CTNNA2: variants seen among roughly 807,000 people sequenced by gnomAD.
CTNNA2 encodes the protein catenin alpha 2.
In CTNNA2, 42 loss-of-function variants were observed where a neutral mutation model predicts 101.0. That is an observed-to-expected ratio of 0.42 (90% confidence interval 0.32 to 0.54). The LOEUF is 0.54. CTNNA2 is among the 20% of genes least tolerant of loss of function. The pLI, the probability that CTNNA2 is intolerant of heterozygous loss-of-function variation, is 0.14. For missense variants in CTNNA2, 871 were observed against 1,223.1 expected (o/e 0.71, Z 4.29); for synonymous variants, 450 against 456.4 (o/e 0.99, Z 0.18).
rs59797728 is a variant in CTNNA2 at position 79,521,107 on chromosome 2, GATATATATATAT to G, written c.-6+7950_-6+7961del. 5.1e-3 allele frequency among the ~76,000 whole-genome samples: 533 copies of G among 104,810 alleles called. 3 individuals carry two copies. Among genetic ancestry groups the G allele is most frequent in the Admixed American group, 9.0e-3 (77 of 8,536 alleles). The allele number at this position is 104,810 out of a possible 152,430, so 68.8% of individuals were successfully genotyped here. ...CTTTGAGATAGAAAACAAAGCTGCT[GATATATATATAT>G]ATATATATATATATATATATATATA... On this transcript the variant is annotated intron_variant, in intron 1 of 18. Transcript: ENST00000402739.
chr2:79,593,166 A>G (rs1220188062), intron 1 of CTNNA2, among the ~76,000 whole-genome samples: 1 of 152,056 alleles, frequency 6.6e-6, no homozygotes, highest in Non-Finnish European at 1.5e-5. Context: ...TCTCAAATTC[A>G]TTTTCTTCCT....
intron 7 of CTNNA2, among the ~76,000 whole-genome samples, chr2:79,995,320 G>T (rs1692467018): frequency 6.6e-6 from 1 of 152,200 alleles, no homozygotes; most frequent in Non-Finnish European, 1.5e-5. Context: ...TGGAAGGGAT[G>T]TTCATTAATC....
At chr2:80,643,875 G>A (rs1209668600) in intron 18 of CTNNA2, among the ~76,000 whole-genome samples, 1 of 152,170 alleles carries the variant, frequency 6.6e-6, no homozygotes, top group African/African-American at 2.4e-5. Context: ...TGAGGCCAGA[G>A]GCTATAGTCA....
At chr2:80,068,355 C>T (rs1259755006) in intron 7 of CTNNA2, among the ~76,000 whole-genome samples, 1 of 152,208 alleles carries the variant, frequency 6.6e-6, no homozygotes, top group Admixed American at 6.5e-5. Context: ...GGTCATGCTT[C>T]TCCTGTTTAT....
intron 1 of CTNNA2, among the ~76,000 whole-genome samples, chr2:79,589,835 T>C (rs1165951553): frequency 2.0e-5 from 3 of 152,092 alleles, no homozygotes; most frequent in African/African-American, 7.2e-5. Flanking sequence ...AAGCTACAGG[T>C]GTCTTCTAAC....
chr2:80,436,757 A>G (rs1036422758), intron 9 of CTNNA2, among the ~76,000 whole-genome samples: 4 of 152,148 alleles, frequency 2.6e-5, no homozygotes, highest in African/African-American at 9.7e-5. Context: ...TGGAAGAGGC[A>G]AACAAGCTCT....
At chr2:80,647,351 T>A (rs1258025261) in intron 18 of CTNNA2, among the ~76,000 whole-genome samples, 1 of 141,560 alleles carries the variant, frequency 7.1e-6, no homozygotes, top group East Asian at 1.9e-4. Flanking sequence ...TAATATGAGA[T>A]GTTCTACTTT....
chr2:80,115,340 T>C (rs1701450462), intron 7 of CTNNA2, among the ~76,000 whole-genome samples: 1 of 152,204 alleles, frequency 6.6e-6, no homozygotes, highest in Admixed American at 6.5e-5. Context: ...AGACATGGTA[T>C]ACACTTATGA....
chr2:80,543,070 AAATTACTGTCTAC>A (rs1310759444), intron 9 of CTNNA2, among the ~76,000 whole-genome samples: 2 of 152,202 alleles, frequency 1.3e-5, no homozygotes, highest in Non-Finnish European at 2.9e-5. Flanking sequence ...TGTGTATTCC[AAATTACTGTCTAC>A]AATAAGTTAC....
chr2:80,606,584 A>G (rs922606959), intron 16 of CTNNA2, among the ~76,000 whole-genome samples: 1 of 151,894 alleles, frequency 6.6e-6, no homozygotes, highest in African/African-American at 2.4e-5. Context: ...CTTCAGAAAA[A>G]AATGTTATCA....
At chr2:79,609,215 A>G (rs1377531117) in intron 1 of CTNNA2, among the ~76,000 whole-genome samples, 2 of 152,044 alleles carry the variant, frequency 1.3e-5, no homozygotes, top group Non-Finnish European at 2.9e-5. Flanking sequence ...AACTCTGTTT[A>G]TAGATATAAA....
intron 2 of CTNNA2, among the ~76,000 whole-genome samples, chr2:79,219,735 T>TA (rs1444938377): frequency 1.4e-4 from 22 of 152,314 alleles, no homozygotes; most frequent in East Asian, 1.9e-4. Context: ...TTGCAGTTGC[T>TA]AAAACACACC....
chr2:79,904,955 T>A (rs1315314819), intron 6 of CTNNA2, among the ~76,000 whole-genome samples: 1 of 152,222 alleles, frequency 6.6e-6, no homozygotes, highest in East Asian at 1.9e-4. Flanking sequence ...TGCTAAATTA[T>A]TTTAGGTTAA....
chr2:79,276,359 C>G (rs1006006373), intron 2 of CTNNA2, among the ~76,000 whole-genome samples: 4 of 151,974 alleles, frequency 2.6e-5, no homozygotes, highest in Non-Finnish European at 4.4e-5. Context: ...ATGGTTTTGT[C>G]GACTTTTTCT....
chr2:79,199,515 C>T (rs1364399167), intron 2 of CTNNA2, among the ~76,000 whole-genome samples: 1 of 151,940 alleles, frequency 6.6e-6, no homozygotes, highest in Non-Finnish European at 1.5e-5. Context: ...TGATATAGCC[C>T]TTTTTTGGTT....
chr2:80,603,175 T>A (rs1172822238), intron 15 of CTNNA2, among the ~76,000 whole-genome samples: 1 of 152,072 alleles, frequency 6.6e-6, no homozygotes, highest in Admixed American at 6.6e-5. Context: ...TAATTAACGA[T>A]GCTAAAAATG....
chr2:79,781,947 T>TATTTTAAGGG (rs1674476177), intron 3 of CTNNA2, among the ~76,000 whole-genome samples: 1 of 151,926 alleles, frequency 6.6e-6, no homozygotes, highest in Non-Finnish European at 1.5e-5. Context: ...GTTTACTCAA[T>TATTTTAAGGG]AATCTAAAAA....
rs537575177 is a variant in CTNNA2 at position 79,648,980 on chromosome 2, A to G, written c.-5-2572A>G. ...ACTAAAAAGATTGATCCTCAAAGGA[A>G]TAAATTAATTTGAGTGATTTGTCTG... On this transcript the variant is annotated intron_variant, in intron 1 of 18. Coordinates refer to ENST00000402739, the MANE Select transcript of CTNNA2 (RefSeq NM_001282597.3). Among the ~76,000 whole-genome samples, 14 of 152,258 alleles carry G rather than the reference A, an allele frequency of 9.2e-5. No homozygotes were observed. The East Asian group carries it at 2.7e-3, about 30-fold the overall frequency.
At chr2:80,361,870 A>T (rs988072138) in intron 7 of CTNNA2, among the ~76,000 whole-genome samples, 11 of 152,186 alleles carry the variant, frequency 7.2e-5, no homozygotes, top group Admixed American at 7.2e-4. Flanking sequence ...TAGACCGCCT[A>T]CTAAGAGATT....
Sources: gnomAD v4.1 joint callset for allele counts (sites outside exome capture counted in the v4.1 genomes callset) on GRCh38, gnomAD v4.1.1 for gene constraint, MANE v1.5 for transcripts, NCBI Gene and HGNC (gene_info 2026-07-23, HGNC 2026-07-21) for gene names.